The following MGAT3 variants were observed in gnomAD, a reference collection of about 807,000 sequenced individuals.
The protein encoded by MGAT3 is GlcNAc-T III.
In MGAT3, 9 loss-of-function variants were observed where a neutral mutation model predicts 29.8. The ratio of observed to expected loss-of-function variants is 0.30; its 90% CI spans 0.18 to 0.53. The LOEUF is 0.53. Among genes scored for constraint, MGAT3 ranks in the 20% least tolerant of loss-of-function variants. The pLI, the probability that MGAT3 is intolerant of heterozygous loss-of-function variation, is 0.96. For missense variants in MGAT3, 557 were observed against 769.5 expected (o/e 0.72, Z 3.27); for synonymous variants, 397 against 348.9 (o/e 1.14, Z -1.54).
At chr22:39,465,039 G>A (rs948251947) in intron 1 of MGAT3, among the ~76,000 whole-genome samples, 24 of 152,254 alleles carry the variant, frequency 1.6e-4, no homozygotes, top group African/African-American at 5.8e-4. Flanking sequence ...ACAGCCATGA[G>A]CCACCACGCC....
At chr22:39,460,072 C>G (rs1189867329) in intron 1 of MGAT3, among the ~76,000 whole-genome samples, 1 of 152,204 alleles carries the variant, frequency 6.6e-6, no homozygotes, top group Non-Finnish European at 1.5e-5. Flanking sequence ...AAAGACAGCC[C>G]CTCTTGGCCT....
chr22:39,486,144 ATTTT>A (rs34708754), intron 1 of MGAT3: 813 of 362,670 alleles, frequency 2.2e-3, no homozygotes, highest in East Asian at 3.4e-3. Flanking sequence ...TAGACCTCAA[ATTTT>A]TTTTTTTTTT....
intron 1 of MGAT3, among the ~76,000 whole-genome samples, chr22:39,459,629 A>G (rs1420818681): frequency 1.3e-5 from 2 of 151,740 alleles, no homozygotes; most frequent in African/African-American, 4.8e-5. Flanking sequence ...ACACCCTGCT[A>G]ATTTTTTAAA....
At chr22:39,464,465 A>T (rs751575403) in intron 1 of MGAT3, among the ~76,000 whole-genome samples, 3 of 150,520 alleles carry the variant, frequency 2.0e-5, no homozygotes, top group Non-Finnish European at 3.0e-5. Context: ...TTTGAGACGG[A>T]GTTTCACTGT....
Position 39,488,280 on chromosome 22 carries a change from C to T in MGAT3, c.933C>T (p.Asp311=), listed in dbSNP as rs1443707548. The stretch of plus-strand genomic sequence containing the variant: ...GGCTGCGCAACCTGCGGCCCGACGA[C>T]GTCTTCATCATTGACGATGCGGACG... ...VSRLRNLRPD[D]VFIIDDADEI... is the part of the protein sequence containing the mutation. Residue 311 remains aspartate, a synonymous_variant, in exon 2 of 2, where the codon GAC becomes GAT. Transcript: ENST00000341184. 8.1e-6 allele frequency: 13 copies of T among 1,611,688 alleles called. No homozygotes were observed. The highest frequency in any genetic ancestry group is 1.0e-5 in the Non-Finnish European group (12 of 1,179,950).
At chr22:39,462,483 T>C (rs1024748155) in intron 1 of MGAT3, among the ~76,000 whole-genome samples, 1 of 152,236 alleles carries the variant, frequency 6.6e-6, no homozygotes, top group Non-Finnish European at 1.5e-5. Flanking sequence ...TTATTACTCC[T>C]TCTCCATCCC....
chr22:39,467,132 T>G (rs5995736), intron 1 of MGAT3, among the ~76,000 whole-genome samples: 74 of 152,342 alleles, frequency 4.9e-4, no homozygotes, highest in African/African-American at 1.8e-3. Flanking sequence ...TAGCGTCTCT[T>G]AGGCTGCGCA....
chr22:39,466,656 C>G (rs1280370094), intron 1 of MGAT3, among the ~76,000 whole-genome samples: 8 of 152,238 alleles, frequency 5.3e-5, no homozygotes, highest in African/African-American at 1.9e-4. Context: ...CCCCTCCTGC[C>G]CCTCCCAGAC....
intron 1 of MGAT3, chr22:39,476,955 G>A (rs866257869): frequency 6.6e-5 from 10 of 152,146 alleles, no homozygotes; most frequent in African/African-American, 2.2e-4. Context: ...GTCTCGCCGG[G>A]ACTCCAGGAT....
chr22:39,474,420 G>A (rs866784074), intron 1 of MGAT3, among the ~76,000 whole-genome samples: 12 of 152,198 alleles, frequency 7.9e-5, no homozygotes, highest in Non-Finnish European at 1.6e-4. Context: ...CCCCAAGGCC[G>A]CAGGTGGGTG....
At chr22:39,458,840 TG>T (rs947501231) in intron 1 of MGAT3, among the ~76,000 whole-genome samples, 11 of 152,076 alleles carry the variant, frequency 7.2e-5, no homozygotes, top group African/African-American at 2.7e-4. Context: ...GGGTGCCCCC[TG>T]GAAGAAGTGA....
Position 39,457,252 on chromosome 22 carries a change from G to GCCCGCCGCGGTCCC in MGAT3, c.-306_-293dup, listed in dbSNP as rs1171362693. 2.8e-5 allele frequency: 4 copies of GCCCGCCGCGGTCCC among 144,054 alleles called. No homozygotes were observed. Among genetic ancestry groups the GCCCGCCGCGGTCCC allele is most frequent in the African/African-American group, 1.0e-4 (4 of 40,138 alleles). The allele number at this position is 144,054 out of a possible 1,614,324, so 8.9% of individuals were successfully genotyped here. A position where few individuals can be genotyped will look rare whatever the true frequency, so the allele number is the denominator to read the frequency against. On this transcript the variant is annotated 5_prime_UTR_variant, in exon 1 of 2. Transcript: ENST00000341184. This position sits in a 1 kb window ranked among gnomAD's most constrained non-coding sequence, Gnocchi z 6.8. Reference sequence around the variant, plus strand: ...GGCCTCGCCTCCGCGCCCCCCGCGCGCCCGCCGCGGTCCCTCCCCCGCGCC... The same window carrying GCCCGCCGCGGTCCC: ...GGCCTCGCCTCCGCGCCCCCCGCGCGCCCGCCGCGGTCCCCCCGCCGCGGTCCCTCCCCCGCGCC...
Position 39,488,911 on chromosome 22 carries a change from C to T in MGAT3, c.1564C>T (p.Pro522Ser), listed in dbSNP as rs768099655. 112 of 1,603,676 alleles carry T rather than the reference C, an allele frequency of 7.0e-5. No homozygotes were observed. Among genetic ancestry groups the T allele is most frequent in the Non-Finnish European group, 8.3e-5 (98 of 1,175,660 alleles). Residue 522 changes from proline to serine, a missense_variant, in exon 2 of 2, where the codon CCG (proline) becomes TCG (serine). Transcript: ENST00000341184. ...GWRHRGPEGRPPARGKLDEAE... is the reference protein window; with the variant it reads ...GWRHRGPEGRSPARGKLDEAE... ...GCGCCACAGGGGTCCCGAGGGAAGG[C>T]CGCCCGCCCGGGGCAAACTGGACGA...
In MGAT3 at chr22:39,457,636, C is replaced by A. The variant is rs1928371142; in HGVS notation, c.-2+79C>A. ...GCCCGCCCTCCCGCGCTGCGCTTGG[C>A]GCCCCCCGCCCGGCTCCGCGGCCCA... On this transcript the variant is annotated intron_variant, in intron 1 of 1. Transcript: ENST00000341184. The surrounding 1 kb of genome is among the most constrained non-coding windows in gnomAD (Gnocchi z 6.8). 1 of 150,174 alleles carries A rather than the reference C, an allele frequency of 6.7e-6. No homozygotes were observed. The highest frequency in any genetic ancestry group is 2.0e-4 in the East Asian group (1 of 5,102). The allele number at this position is 150,174 out of a possible 1,614,324, so 9.3% of individuals were successfully genotyped here. A position where few individuals can be genotyped will look rare whatever the true frequency, so the allele number is the denominator to read the frequency against.
intron 1 of MGAT3, among the ~76,000 whole-genome samples, chr22:39,476,163 G>C (rs1298591961): frequency 6.6e-6 from 1 of 151,610 alleles, no homozygotes; most frequent in African/African-American, 2.4e-5. Flanking sequence ...TTGGAGGGGA[G>C]AGAGTGGTGC....
intron 1 of MGAT3, among the ~76,000 whole-genome samples, chr22:39,468,859 C>T (rs1301033068): frequency 6.6e-6 from 1 of 151,882 alleles, no homozygotes. Context: ...GCAGCTCAGC[C>T]GAATCCTCCA....
At position 39,470,171 on chromosome 22, in the gene MGAT3, G is replaced by A. The variant is rs142350513; in HGVS notation, c.-2+12614G>A. Among the ~76,000 whole-genome samples the A allele has an allele frequency of 7.5e-3, 1,135 of 152,300 alleles. 14 individuals are homozygous for A. Among genetic ancestry groups the A allele is most frequent in the African/African-American group, 0.026 (1,096 of 41,566 alleles). On this transcript the variant is annotated intron_variant, in intron 1 of 1. Coordinates refer to ENST00000341184, the MANE Select transcript of MGAT3 (RefSeq NM_002409.5). ...CCAGCAGGGTGAGGGCGGGGCAGAC[G>A]TAAACAACAAAGTGGGATCGCCTCT...
intron 1 of MGAT3, among the ~76,000 whole-genome samples, chr22:39,474,186 G>A (rs1459296823): frequency 2.0e-5 from 3 of 152,164 alleles, no homozygotes; most frequent in African/African-American, 7.2e-5. Context: ...TGCCACCGGG[G>A]TGCTCACATG....
In MGAT3 at chr22:39,489,063, GA is replaced by G; in HGVS notation, c.*115del. ...CTTGAGGGGACCAGGAGTGGGTGGG[GA>G]GTGGGGGTGGGGGTAGGGTTTCCCT... is the stretch of plus-strand genomic sequence containing the variant. On this transcript the variant is annotated 3_prime_UTR_variant, in exon 2 of 2. Coordinates refer to ENST00000341184, the MANE Select transcript of MGAT3 (RefSeq NM_002409.5). 1 of 779,754 alleles carries G rather than the reference GA, an allele frequency of 1.3e-6. No homozygotes were observed. 48.3% of individuals were successfully genotyped at this position (779,754 alleles called of 1,614,324 possible).
Sources: allele counts gnomAD v4.1 joint callset (sites outside exome capture counted in the v4.1 genomes callset), GRCh38; gene constraint gnomAD v4.1.1; non-coding constraint Gnocchi (gnomAD v3.1); transcripts MANE v1.5; gene names NCBI Gene and HGNC (gene_info 2026-07-23, HGNC 2026-07-21).